CAMTA1: variants seen among roughly 807,000 people sequenced by gnomAD.
CAMTA1 encodes the protein calmodulin-binding transcription activator 1.
A neutral mutation model predicts 170.9 loss-of-function variants in CAMTA1; 27 were observed. That is an observed-to-expected ratio of 0.16 (90% confidence interval 0.12 to 0.22). The LOEUF (loss-of-function observed/expected upper bound fraction) is 0.22. Among genes scored for constraint, CAMTA1 ranks in the 10% least tolerant of loss-of-function variants. The probability of loss-of-function intolerance (pLI) is 1.00; values close to 1 mark genes in which losing one functional copy is unlikely to be tolerated. For synonymous variants in CAMTA1, 833 were observed against 891.5 expected (o/e 0.93, Z 1.17); for missense variants, 1,619 against 2,217.2 (o/e 0.73, Z 5.42).
chr1:7,054,951 G>A (rs899800465), intron 3 of CAMTA1, among the ~76,000 whole-genome samples: 1 of 152,182 alleles, frequency 6.6e-6, no homozygotes, highest in Non-Finnish European at 1.5e-5. Context: ...AGATGAAGGG[G>A]AAGTAGGCTG....
rs1008033116 is a variant in CAMTA1 at position 7,769,335 on chromosome 1, C to G, written c.*2844C>G. ...TATAAAATTAATAGCTAATCTTATT[C>G]TATCTCCTGAAGATTTAATTGCTAT... On this transcript the variant is annotated 3_prime_UTR_variant, in exon 23 of 23. Transcript: ENST00000303635. 1.3e-5 allele frequency: 2 copies of G among 152,764 alleles called. No individual in the cohort carries two copies. Among genetic ancestry groups the G allele is most frequent in the African/African-American group, 2.4e-5 (1 of 41,458 alleles). 9.5% of individuals were successfully genotyped at this position (152,764 alleles called of 1,614,324 possible).
intron 3 of CAMTA1, among the ~76,000 whole-genome samples, chr1:6,870,893 T>C (rs1668223694): frequency 6.6e-6 from 1 of 152,246 alleles, no homozygotes; most frequent in African/African-American, 2.4e-5. Flanking sequence ...GTTCATTTTA[T>C]ATACTAGTGA....
At chr1:7,373,529 G>T (rs2086634380) in intron 5 of CAMTA1, among the ~76,000 whole-genome samples, 1 of 152,212 alleles carries the variant, frequency 6.6e-6, no homozygotes, top group East Asian at 1.9e-4. Flanking sequence ...CCACACTGCA[G>T]CGGGGGAAGG....
Position 7,769,270 on chromosome 1 carries a change from G to A in CAMTA1, c.*2779G>A, listed in dbSNP as rs1462586534. On this transcript the variant is annotated 3_prime_UTR_variant, in exon 23 of 23. Coordinates refer to ENST00000303635, the MANE Select transcript of CAMTA1 (RefSeq NM_015215.4). ...GATGATAGGTAAGCGCAGCTTTCTT[G>A]GATAATCTGAATTCCCAAGTGCCAG... 6.5e-6 allele frequency: 1 copy of A among 152,704 alleles called. No homozygotes were observed. Among genetic ancestry groups the A allele is most frequent in the Non-Finnish European group, 1.5e-5 (1 of 68,018 alleles). The allele number at this position is 152,704 out of a possible 1,614,324, so 9.5% of individuals were successfully genotyped here. A position where few individuals can be genotyped will look rare whatever the true frequency, so the allele number is the denominator to read the frequency against.
chr1:7,668,399 AC>A (rs2096020443), intron 9 of CAMTA1, among the ~76,000 whole-genome samples: 1 of 137,878 alleles, frequency 7.3e-6, no homozygotes, highest in Non-Finnish European at 1.6e-5. Flanking sequence ...ACACACACAC[AC>A]ACACACACAC....
intron 3 of CAMTA1, among the ~76,000 whole-genome samples, chr1:6,904,109 T>C (rs180864059): frequency 5.9e-4 from 90 of 152,330 alleles, no homozygotes; most frequent in Admixed American, 1.0e-3. Flanking sequence ...GGTACTATTT[T>C]CTCTCTCCAT....
intron 3 of CAMTA1, among the ~76,000 whole-genome samples, chr1:6,897,459 A>G (rs1675884804): frequency 6.6e-6 from 1 of 152,260 alleles, no homozygotes; most frequent in Non-Finnish European, 1.5e-5. Flanking sequence ...TATTTACTGG[A>G]AGCCATTTTT....
chr1:6,812,613 T>C (rs1210378914), intron 1 of CAMTA1, among the ~76,000 whole-genome samples: 3 of 152,226 alleles, frequency 2.0e-5, no homozygotes, highest in Non-Finnish European at 4.4e-5. Flanking sequence ...ATTTAGTAAG[T>C]GCTCTTTGAT....
chr1:7,597,748 T>C (rs938238806), intron 6 of CAMTA1, among the ~76,000 whole-genome samples: 9 of 152,156 alleles, frequency 5.9e-5, no homozygotes, highest in Non-Finnish European at 1.2e-4. Flanking sequence ...AGACCTTCAA[T>C]GATTGATTGA....
At chr1:7,094,335 A>G (rs1641820515) in intron 4 of CAMTA1, among the ~76,000 whole-genome samples, 1 of 138,796 alleles carries the variant, frequency 7.2e-6, no homozygotes, top group Non-Finnish European at 1.5e-5. Flanking sequence ...GCCTCCTGGT[A>G]TTAAGGAATT....
intron 4 of CAMTA1, among the ~76,000 whole-genome samples, chr1:7,182,706 G>A (rs1458908966): frequency 6.6e-6 from 1 of 152,120 alleles, no homozygotes; most frequent in African/African-American, 2.4e-5. Context: ...GAAGTAAAGG[G>A]TTAATATCCC....
intron 3 of CAMTA1, among the ~76,000 whole-genome samples, chr1:6,966,028 G>A (rs773953186): frequency 6.6e-6 from 1 of 151,838 alleles, no homozygotes; most frequent in Non-Finnish European, 1.5e-5. Flanking sequence ...GATGGGGAGG[G>A]GACACCATCG....
At chr1:7,346,054 A>G (rs845244) in intron 5 of CAMTA1, among the ~76,000 whole-genome samples, 101,208 of 152,104 alleles carry the variant, frequency 0.67, 33,845 homozygotes, top group East Asian at 0.81. Flanking sequence ...GCATTTGGGA[A>G]TTAAGCTAAA....
At chr1:7,715,432 C>CTTTTTTTTTT (rs34965685) in intron 11 of CAMTA1, among the ~76,000 whole-genome samples, 2 of 142,278 alleles carry the variant, frequency 1.4e-5, no homozygotes, top group Non-Finnish European at 1.5e-5. Context: ...TAGCCACACA[C>CTTTTTTTTTT]TTTTTTTTTT....
chr1:6,849,772 TG>T, intron 3 of CAMTA1, among the ~76,000 whole-genome samples: 1 of 152,084 alleles, frequency 6.6e-6, no homozygotes, highest in Non-Finnish European at 1.5e-5. Context: ...TGGTGGCACA[TG>T]CCTGTAATCC....
chr1:7,573,595 C>T (rs570523527), intron 6 of CAMTA1, among the ~76,000 whole-genome samples: 2 of 152,330 alleles, frequency 1.3e-5, no homozygotes, highest in South Asian at 4.1e-4. Flanking sequence ...CCCGGCCTCC[C>T]CGCCTCCGCT....
intron 1 of CAMTA1, among the ~76,000 whole-genome samples, chr1:6,792,652 T>A (rs1267159301): frequency 1.3e-5 from 2 of 152,124 alleles, no homozygotes; most frequent in African/African-American, 4.8e-5. Flanking sequence ...TTTTTTTTTT[T>A]AAAGGTTCCT....
At chr1:7,235,140 A>G (rs138938211) in intron 4 of CAMTA1, among the ~76,000 whole-genome samples, 155 of 152,098 alleles carry the variant, frequency 1.0e-3, no homozygotes, top group African/African-American at 3.6e-3. Flanking sequence ...GCCACCCTTC[A>G]TCCTGTTCTC....
intron 3 of CAMTA1, among the ~76,000 whole-genome samples, chr1:7,043,399 C>T (rs575952150): frequency 2.0e-5 from 3 of 152,164 alleles, no homozygotes; most frequent in South Asian, 4.2e-4. Context: ...GTGCCTGCTC[C>T]GTCAGGTGGG....
Sources: gnomAD v4.1 joint callset for allele counts (sites outside exome capture counted in the v4.1 genomes callset) on GRCh38, gnomAD v4.1.1 for gene constraint, MANE v1.5 for transcripts, NCBI Gene and HGNC (gene_info 2026-07-23, HGNC 2026-07-21) for gene names.